Variants in ANGPT1 observed in about 807,000 individuals in gnomAD.
The protein encoded by ANGPT1 is angiopoietin 1.
In ANGPT1, 17 loss-of-function variants were observed where a neutral mutation model predicts 62.2. The ratio of observed to expected loss-of-function variants is 0.27; its 90% CI spans 0.19 to 0.41. The LOEUF (loss-of-function observed/expected upper bound fraction) is 0.41. Among genes scored for constraint, ANGPT1 ranks in the 10% least tolerant of loss-of-function variants. The probability of loss-of-function intolerance (pLI) is 1.00; values close to 1 mark genes in which losing one functional copy is unlikely to be tolerated. For missense variants in ANGPT1, 478 were observed against 594.9 expected (o/e 0.80, Z 2.04); for synonymous variants, 199 against 198.9 (o/e 1.00, Z 0.00).
chr8:107,316,109 T>G (rs28674980), intron 4 of ANGPT1, among the ~76,000 whole-genome samples: 1,697 of 152,268 alleles, frequency 0.011, 33 homozygotes, highest in African/African-American at 0.037. Context: ...AAATGTGCAA[T>G]TGGTATTAGA....
In ANGPT1 at chr8:107,294,036, A is replaced by C. The variant is rs980780695; in HGVS notation, c.938T>G (p.Val313Gly). The C allele has an allele frequency of 6.2e-7, 1 of 1,608,120 alleles. No individual in the cohort carries two copies. Among genetic ancestry groups the C allele is most frequent in the Non-Finnish European group, 8.5e-7 (1 of 1,177,064 alleles). Residue 313 changes from valine to glycine, a missense_variant and splice_region_variant, in exon 6 of 9, where the codon GTG becomes GGG. Val to Gly is a moderately radical substitution (Grantham distance 109, BLOSUM62 -3). Coordinates refer to ENST00000517746, the MANE Select transcript of ANGPT1 (RefSeq NM_001146.5). Reference protein sequence around the residue: ...YINNMPEPKKVFCNMDVNGGG... With the variant: ...YINNMPEPKKGFCNMDVNGGG... ...CCCATTGACATCCATATTGCAAAAC[A>C]CCTGACAAATGGAAAACAAAGTCAA...
At chr8:107,457,825 TAC>T (rs148742634) in intron 1 of ANGPT1, among the ~76,000 whole-genome samples, 1,697 of 81,648 alleles carry the variant, frequency 0.021, 10 homozygotes, top group African/African-American at 0.035. Flanking sequence ...ACATACCCAC[TAC>T]ACACACACAC....
chr8:107,354,653 G>T (rs1816003016), intron 1 of ANGPT1, among the ~76,000 whole-genome samples: 2 of 151,970 alleles, frequency 1.3e-5, no homozygotes, highest in Non-Finnish European at 2.9e-5. Context: ...CAATAGCAAA[G>T]CCCTGGACTG....
intron 1 of ANGPT1, among the ~76,000 whole-genome samples, chr8:107,351,700 G>T (rs1166094005): frequency 1.3e-5 from 2 of 152,014 alleles, no homozygotes; most frequent in African/African-American, 2.4e-5. Context: ...AAGCCCTAGG[G>T]CCAGGTATGT....
At chr8:107,359,802 C>T (rs142430878) in intron 1 of ANGPT1, among the ~76,000 whole-genome samples, 2 of 152,270 alleles carry the variant, frequency 1.3e-5, no homozygotes, top group Admixed American at 6.5e-5. Flanking sequence ...TTAATAGTGA[C>T]GATCTCTGGC....
At chr8:107,338,205 A>C (rs1162636598) in intron 2 of ANGPT1, among the ~76,000 whole-genome samples, 1 of 152,234 alleles carries the variant, frequency 6.6e-6, no homozygotes, top group East Asian at 1.9e-4. Context: ...CAAGGCAGGA[A>C]CTAGGCTGAG....
chr8:107,483,474 T>G (rs536509018), intron 1 of ANGPT1, among the ~76,000 whole-genome samples: 1 of 152,262 alleles, frequency 6.6e-6, no homozygotes, highest in African/African-American at 2.4e-5. Flanking sequence ...TACTGACAGT[T>G]TCACCTTCAC....
At chr8:107,338,615 C>A (rs551660336) in intron 2 of ANGPT1, among the ~76,000 whole-genome samples, 23 of 152,292 alleles carry the variant, frequency 1.5e-4, no homozygotes, top group African/African-American at 3.9e-4. Flanking sequence ...TAAAGGGTTT[C>A]AGCGTTTTAA....
At chr8:107,471,620 C>T (rs1335919790) in intron 1 of ANGPT1, among the ~76,000 whole-genome samples, 2 of 152,066 alleles carry the variant, frequency 1.3e-5, no homozygotes, top group African/African-American at 4.8e-5. Flanking sequence ...GAAAGTGTCA[C>T]ATATTTCAGT....
At chr8:107,365,206 G>T (rs1455151888) in intron 1 of ANGPT1, among the ~76,000 whole-genome samples, 1 of 152,144 alleles carries the variant, frequency 6.6e-6, no homozygotes, top group Non-Finnish European at 1.5e-5. Context: ...TACTATCAAT[G>T]CAATGGTAAG....
chr8:107,377,682 C>G (rs1281212551), intron 1 of ANGPT1, among the ~76,000 whole-genome samples: 1 of 152,142 alleles, frequency 6.6e-6, no homozygotes, highest in Non-Finnish European at 1.5e-5. Flanking sequence ...GTTGTCTCAC[C>G]TATTTCCAGA....
In ANGPT1 at chr8:107,250,562, G is replaced by A. The variant is rs889258263; in HGVS notation, c.*1293C>T. 1.3e-5 allele frequency: 2 copies of A among 151,958 alleles called. No homozygotes were observed. Among genetic ancestry groups the A allele is most frequent in the African/African-American group, 4.8e-5 (2 of 41,388 alleles). 9.4% of individuals were successfully genotyped at this position (151,958 alleles called of 1,614,324 possible). A position where few individuals can be genotyped will look rare whatever the true frequency, so the allele number is the denominator to read the frequency against. ...ATGAAGAATGATGTATTTCATTAAG[G>A]GATATAGTAGATTTCTTTGAGCATT... On this transcript the variant is annotated 3_prime_UTR_variant, in exon 9 of 9. Coordinates refer to ENST00000517746, the MANE Select transcript of ANGPT1 (RefSeq NM_001146.5).
At chr8:107,465,218 T>G (rs1812170911) in intron 1 of ANGPT1, among the ~76,000 whole-genome samples, 2 of 152,136 alleles carry the variant, frequency 1.3e-5, no homozygotes, top group South Asian at 4.1e-4. Flanking sequence ...CAGAACTTTA[T>G]GGACTAAATT....
At chr8:107,467,978 C>G (rs1354266179) in intron 1 of ANGPT1, among the ~76,000 whole-genome samples, 2 of 151,986 alleles carry the variant, frequency 1.3e-5, no homozygotes, top group African/African-American at 4.8e-5. Flanking sequence ...GAGCAAGTTA[C>G]CTAAAGCTAC....
At chr8:107,272,214 TG>T (rs1813752581) in intron 7 of ANGPT1, among the ~76,000 whole-genome samples, 1 of 151,918 alleles carries the variant, frequency 6.6e-6, no homozygotes, top group African/African-American at 2.4e-5. Flanking sequence ...ATATGAAAAA[TG>T]TTTGAGATAG....
intron 3 of ANGPT1, among the ~76,000 whole-genome samples, chr8:107,324,085 A>G (rs1308663837): frequency 1.3e-5 from 2 of 151,116 alleles, no homozygotes; most frequent in East Asian, 3.9e-4. Context: ...GGCCAGTGTC[A>G]GGTACTGTTT....
At chr8:107,341,648 A>ATATAT (rs1815698207) in intron 2 of ANGPT1, among the ~76,000 whole-genome samples, 2 of 148,714 alleles carry the variant, frequency 1.3e-5, no homozygotes, top group African/African-American at 4.9e-5. Flanking sequence ...TATATATTAT[A>ATATAT]ACATAATAAT....
At chr8:107,342,867 G>T (rs940114363) in intron 2 of ANGPT1, among the ~76,000 whole-genome samples, 4 of 148,904 alleles carry the variant, frequency 2.7e-5, no homozygotes, top group African/African-American at 7.4e-5. Context: ...ATAGGGTCTT[G>T]CTCTGTCAAC....
chr8:107,364,575 C>T (rs1055560068), intron 1 of ANGPT1, among the ~76,000 whole-genome samples: 2 of 152,148 alleles, frequency 1.3e-5, no homozygotes, highest in Non-Finnish European at 1.5e-5. Context: ...GCCACTGTGC[C>T]CAGCCCGATG....
Sources: gnomAD v4.1 joint callset for allele counts (sites outside exome capture counted in the v4.1 genomes callset) on GRCh38, gnomAD v4.1.1 for gene constraint, MANE v1.5 for transcripts, NCBI Gene and HGNC (gene_info 2026-07-23, HGNC 2026-07-21) for gene names.